The following NF1 variants were observed in gnomAD, a reference collection of about 807,000 sequenced individuals.
The protein encoded by NF1 is neurofibromin.
Under a neutral mutation model 325.7 loss-of-function variants are expected in NF1, and 122 were observed. That is an observed-to-expected ratio of 0.37 (90% CI 0.32 to 0.44). The LOEUF (loss-of-function observed/expected upper bound fraction) is 0.44, where lower values mean the gene tolerates loss of function less well. NF1 is among the 20% of genes least tolerant of loss of function. The probability of loss-of-function intolerance (pLI) is 1.00; values close to 1 mark genes in which losing one functional copy is unlikely to be tolerated. For missense variants in NF1, 2,140 were observed against 3,415.4 expected, an observed-to-expected ratio of 0.63 and a Z score of 9.31; for synonymous variants, 1,091 against 1,186.0, an observed-to-expected ratio of 0.92 and a Z score of 1.65.
At chr17:31,317,807 T>C (rs1214523452) in intron 36 of NF1, 1 of 152,720 alleles carries the variant, frequency 6.5e-6, no homozygotes, top group Non-Finnish European at 1.5e-5. Context: ...GTTGATAAGC[T>C]GGTGTGGATT....
At chr17:31,367,406 G>T in intron 57 of NF1, 2 of 428,196 alleles carry the variant, frequency 4.7e-6, no homozygotes, top group Non-Finnish European at 8.4e-6. Context: ...TTAGGAACTT[G>T]TAAAGCCACC....
intron 2 of NF1, 67 bp downstream of exon 2, chr17:31,156,193 A>G: frequency 6.4e-7 from 1 of 1,563,330 alleles, no homozygotes; most frequent in Non-Finnish European, 8.8e-7. Flanking sequence ...AAAGTTTAGA[A>G]CAGCATATTT....
rs376477671 is a variant in NF1 at position 31,176,889 on chromosome 17, C to T, written c.587-4533C>T. 1.6e-4 allele frequency among the ~76,000 whole-genome samples: 24 copies of T among 152,240 alleles called. No individual in the cohort carries two copies. In the East Asian group the frequency reaches 3.5e-3, roughly 22 times the overall value. Reference sequence around the variant, plus strand: ...TATGTATCTGTTTTGGTACCAGTACCATGCTGTTTTGGTTACTGTAGCCTT... The same window carrying T: ...TATGTATCTGTTTTGGTACCAGTACTATGCTGTTTTGGTTACTGTAGCCTT... On this transcript the variant is annotated intron_variant, in intron 5 of 57. Transcript: ENST00000358273.
chr17:31,340,422 G>A (rs2151561097), intron 46 of NF1, 83 bp from the exon 47 acceptor site: 1 of 1,562,334 alleles, frequency 6.4e-7, no homozygotes, highest in Non-Finnish European at 8.8e-7. Flanking sequence ...AAGATAAGCT[G>A]CTTTATTTTT....
chr17:31,282,754 A>G (rs1182016298), intron 36 of NF1, among the ~76,000 whole-genome samples: 1 of 152,198 alleles, frequency 6.6e-6, no homozygotes, highest in East Asian at 1.9e-4. Context: ...GTGTGGACGT[A>G]TGCATTCAGT....
chr17:31,233,669 C>G (rs1480931676), intron 27 of NF1, among the ~76,000 whole-genome samples: 1 of 152,102 alleles, frequency 6.6e-6, no homozygotes, highest in Non-Finnish European at 1.5e-5. Context: ...AAACTGAAAG[C>G]GTCATATGGC....
chr17:31,321,531 G>A (rs920616820), intron 36 of NF1: 1 of 152,114 alleles, frequency 6.6e-6, no homozygotes, highest in African/African-American at 2.4e-5. Context: ...ATTATAACGT[G>A]ATTTTGATAA....
intron 10 of NF1, 98 bp from the exon 11 acceptor site, chr17:31,201,313 T>A: frequency 1.4e-6 from 2 of 1,466,548 alleles, no homozygotes; most frequent in Non-Finnish European, 1.9e-6. Flanking sequence ...TAGTGTTTTT[T>A]TTTTAAACTT....
chr17:31,367,702 G>A (rs1011515381), intron 57 of NF1, among the ~76,000 whole-genome samples: 8 of 151,990 alleles, frequency 5.3e-5, no homozygotes, highest in African/African-American at 1.7e-4. Flanking sequence ...AATCACCTGT[G>A]GTTAAAAAAA....
chr17:31,191,805 C>A (rs192402360), intron 8 of NF1, among the ~76,000 whole-genome samples: 1 of 152,258 alleles, frequency 6.6e-6, no homozygotes, highest in East Asian at 1.9e-4. Flanking sequence ...TTAAAATTCT[C>A]AAGTGTTGAG....
intron 1 of NF1, among the ~76,000 whole-genome samples, chr17:31,113,024 A>G (rs577909170): frequency 6.6e-6 from 1 of 152,188 alleles, no homozygotes; most frequent in Non-Finnish European, 1.5e-5. Context: ...TAAGTCCTCC[A>G]GCTTTCTTGT....
At chr17:31,227,320 C>T (rs1323279624) in intron 19 of NF1, 29 bp downstream of exon 19, 2 of 1,607,778 alleles carry the variant, frequency 1.2e-6, no homozygotes, top group East Asian at 2.2e-5. Context: ...AAACACCCCT[C>T]CCAGGCGCCC....
rs1428709938 is a variant in NF1 at position 31,326,112 on chromosome 17, G to A, written c.5128G>A (p.Asp1710Asn). 1 of 1,613,420 alleles carries A rather than the reference G, an allele frequency of 6.2e-7. No homozygotes were observed. Among genetic ancestry groups the A allele is most frequent in the Non-Finnish European group, 8.5e-7 (1 of 1,179,544 alleles). The change falls in exon 37 of 58, where the codon GAC becomes AAC. Residue 1710 changes from aspartate (D) to asparagine (N), a missense_variant. Physicochemically the swap from Asp to Asn is conservative, Grantham distance 23. Transcript: ENST00000358273. ...LKGSKRLVFI[D>N]CPGKLAEHIE... ...AGGTAGCAAAAGGCTTGTTTTCATA[G>A]ACTGTCCTGGGAAACTGGCTGAGCA...
chr17:31,177,867 A>G (rs1046517765), intron 5 of NF1, among the ~76,000 whole-genome samples: 1 of 152,140 alleles, frequency 6.6e-6, no homozygotes, highest in Non-Finnish European at 1.5e-5. Flanking sequence ...ATATGGGACT[A>G]TGTGAAAAGA....
chr17:31,208,576 C>T (rs1367086349), intron 12 of NF1, among the ~76,000 whole-genome samples: 1 of 152,000 alleles, frequency 6.6e-6, no homozygotes, highest in Non-Finnish European at 1.5e-5. Flanking sequence ...AGGTTTATAG[C>T]TTTTGCTTGA....
At chr17:31,335,893 T>C (rs1010583202) in intron 40 of NF1, among the ~76,000 whole-genome samples, 29 of 146,850 alleles carry the variant, frequency 2.0e-4, no homozygotes, top group African/African-American at 7.2e-4. Flanking sequence ...GGTTTTGCCA[T>C]GTTGCCCAGG....
chr17:31,334,747 T>A (rs1227197021), intron 39 of NF1, 91 bp from the exon 40 acceptor site: 1 of 1,055,430 alleles, frequency 9.5e-7, no homozygotes, highest in Non-Finnish European at 1.5e-6. Flanking sequence ...GTCTTTACCT[T>A]TTACCATTTT....
intron 16 of NF1, among the ~76,000 whole-genome samples, chr17:31,224,820 A>G (rs1323473587): frequency 6.6e-6 from 1 of 152,168 alleles, no homozygotes; most frequent in African/African-American, 2.4e-5. Flanking sequence ...TATATTGTTG[A>G]TGTTTTACTC....
chr17:31,148,481 A>G (rs1320967630), intron 1 of NF1, among the ~76,000 whole-genome samples: 1 of 151,524 alleles, frequency 6.6e-6, no homozygotes, highest in Non-Finnish European at 1.5e-5. Flanking sequence ...GTCGTTCAAG[A>G]TTACAACTGA....
Sources: gnomAD v4.1 joint callset for allele counts (sites outside exome capture counted in the v4.1 genomes callset) on GRCh38, gnomAD v4.1.1 for gene constraint, MANE v1.5 for transcripts, NCBI Gene and HGNC (gene_info 2026-07-23, HGNC 2026-07-21) for gene names.